OSBPL6: variants seen among roughly 807,000 people sequenced by gnomAD.
The protein encoded by OSBPL6 is oxysterol binding protein like 6, also known as oxysterol-binding protein-related protein 6.
OSBPL6 carries 49 observed loss-of-function variants against 125.8 expected under a neutral mutation model. The ratio of observed to expected loss-of-function variants is 0.39; its 90% CI spans 0.31 to 0.49. The LOEUF (loss-of-function observed/expected upper bound fraction) is 0.49. Among genes scored for constraint, OSBPL6 ranks in the 20% least tolerant of loss-of-function variants. The pLI, the probability that OSBPL6 is intolerant of heterozygous loss-of-function variation, is 0.88. For synonymous variants in OSBPL6, 394 were observed against 391.8 expected, an observed-to-expected ratio of 1.01 and a Z score of -0.07; for missense variants, 986 against 1,135.4, an observed-to-expected ratio of 0.87 and a Z score of 1.89.
At chr2:178,215,984 C>T (rs1169372350) in intron 1 of OSBPL6, among the ~76,000 whole-genome samples, 2 of 152,072 alleles carry the variant, frequency 1.3e-5, no homozygotes, top group African/African-American at 4.8e-5. Flanking sequence ...GGTGAAATCA[C>T]CTAAGGAGGG....
At chr2:178,225,711 A>G (rs535229642) in intron 1 of OSBPL6, among the ~76,000 whole-genome samples, 3 of 152,320 alleles carry the variant, frequency 2.0e-5, no homozygotes, top group African/African-American at 7.2e-5. Flanking sequence ...GCAAGTCACA[A>G]TCTTACACAG....
chr2:178,212,834 GTCTT>G lies in OSBPL6; in HGVS notation c.-351+18166_-351+18169del, dbSNP rs893790460. Among the ~76,000 whole-genome samples the G allele has an allele frequency of 8.7e-5, 13 of 150,196 alleles. No individual in the cohort carries two copies. In the South Asian group the frequency reaches 1.9e-3, roughly 22 times the overall value. On this transcript the variant is annotated intron_variant, in intron 1 of 24. Coordinates refer to ENST00000190611, the MANE Select transcript of OSBPL6 (RefSeq NM_032523.4). ...ATAATTTTTTTTTTTTTTGAGATGA[GTCTT>G]TCTTTGTCACCCAGGCTAGAGTGCA...
At chr2:178,262,335 G>A (rs75126551) in intron 1 of OSBPL6, among the ~76,000 whole-genome samples, 1,990 of 152,228 alleles carry the variant, frequency 0.013, 31 homozygotes, top group African/African-American at 0.045. Context: ...ACAGATTAAT[G>A]TGTGAAATAA....
chr2:178,381,347 A>G (rs1694458371), intron 15 of OSBPL6, among the ~76,000 whole-genome samples: 1 of 151,946 alleles, frequency 6.6e-6, no homozygotes, highest in Non-Finnish European at 1.5e-5. Flanking sequence ...GGCCAACTGA[A>G]TCTAAGCCGT....
At chr2:178,383,668 C>T (rs1392139688) in intron 17 of OSBPL6, among the ~76,000 whole-genome samples, 5 of 152,156 alleles carry the variant, frequency 3.3e-5, no homozygotes, top group Non-Finnish European at 1.5e-5. Context: ...CTGTGGGAAA[C>T]ATGCCATGCC....
intron 1 of OSBPL6, among the ~76,000 whole-genome samples, chr2:178,207,705 A>T (rs1217552194): frequency 6.6e-6 from 1 of 152,002 alleles, no homozygotes; most frequent in Non-Finnish European, 1.5e-5. Flanking sequence ...GCTGACCTGG[A>T]GTTAGAGCTG....
At chr2:178,284,244 A>G (rs538362775) in intron 1 of OSBPL6, among the ~76,000 whole-genome samples, 1 of 152,156 alleles carries the variant, frequency 6.6e-6, no homozygotes, top group South Asian at 2.1e-4. Context: ...AAACCACTTC[A>G]TACTTACTAT....
At chr2:178,247,565 T>C (rs2091539279) in intron 1 of OSBPL6, among the ~76,000 whole-genome samples, 1 of 152,170 alleles carries the variant, frequency 6.6e-6, no homozygotes, top group Non-Finnish European at 1.5e-5. Flanking sequence ...TCTTTCACTG[T>C]GCAGTGTTTT....
chr2:178,329,501 A>G (rs1487714807), intron 5 of OSBPL6, among the ~76,000 whole-genome samples: 3 of 148,098 alleles, frequency 2.0e-5, no homozygotes, highest in South Asian at 2.1e-4. Context: ...TGCAACCTCC[A>G]CCTCTCGGGT....
At chr2:178,252,984 A>G (rs1390727862) in intron 1 of OSBPL6, among the ~76,000 whole-genome samples, 1 of 152,072 alleles carries the variant, frequency 6.6e-6, no homozygotes, top group Non-Finnish European at 1.5e-5. Context: ...GACTAGACAG[A>G]ATCTATAGAA....
intron 1 of OSBPL6, among the ~76,000 whole-genome samples, chr2:178,201,278 T>C (rs1559109378): frequency 6.6e-6 from 1 of 152,210 alleles, no homozygotes; most frequent in Non-Finnish European, 1.5e-5. Flanking sequence ...TAGAAGCAAC[T>C]CAAAGTGACA....
At chr2:178,356,530 A>G (rs1245166614) in intron 12 of OSBPL6, among the ~76,000 whole-genome samples, 1 of 152,216 alleles carries the variant, frequency 6.6e-6, no homozygotes, top group Non-Finnish European at 1.5e-5. Flanking sequence ...CCAACTTACA[A>G]GGGATGTGAA....
intron 5 of OSBPL6, among the ~76,000 whole-genome samples, chr2:178,330,935 CT>C (rs1425994886): frequency 1.3e-5 from 2 of 152,184 alleles, no homozygotes; most frequent in African/African-American, 2.4e-5. Context: ...AAAAACCCCT[CT>C]CTTTTTTTAC....
intron 15 of OSBPL6, among the ~76,000 whole-genome samples, chr2:178,375,481 G>A (rs890740085): frequency 6.6e-6 from 1 of 152,146 alleles, no homozygotes; most frequent in Non-Finnish European, 1.5e-5. Flanking sequence ...GGAGGGCAGT[G>A]GCGCAATCTT....
At chr2:178,371,629 T>A (rs1422372252) in intron 13 of OSBPL6, among the ~76,000 whole-genome samples, 1 of 152,222 alleles carries the variant, frequency 6.6e-6, no homozygotes, top group Non-Finnish European at 1.5e-5. Flanking sequence ...AGATGTTTTC[T>A]TTAAACACAC....
chr2:178,217,508 A>G (rs1206559101), intron 1 of OSBPL6, among the ~76,000 whole-genome samples: 1 of 152,218 alleles, frequency 6.6e-6, no homozygotes, highest in African/African-American at 2.4e-5. Flanking sequence ...GTGGAGGTTT[A>G]ATAGGCAGAA....
chr2:178,281,279 C>T (rs1282083969), intron 1 of OSBPL6, among the ~76,000 whole-genome samples: 1 of 152,134 alleles, frequency 6.6e-6, no homozygotes, highest in Non-Finnish European at 1.5e-5. Context: ...TCCCAAAGTG[C>T]TGGGATTACA....
rs2092276454 is a variant in OSBPL6, at chr2:178,267,628, A to G, written c.-350-17299A>G. On this transcript the variant is annotated intron_variant, in intron 1 of 24. Coordinates refer to ENST00000190611, the MANE Select transcript of OSBPL6 (RefSeq NM_032523.4). ...AACCCAGAGAAAAAGAACATTGGCC[A>G]GAAAACTTGAGGCCAAGAAAAGTAC... Among the ~76,000 whole-genome samples, 3 of 152,208 alleles carry G rather than the reference A, an allele frequency of 2.0e-5. No homozygotes were observed. The South Asian group carries it at 6.2e-4, about 31-fold the overall frequency.
At chr2:178,343,747 A>G (rs1315367648) in intron 11 of OSBPL6, among the ~76,000 whole-genome samples, 3 of 152,158 alleles carry the variant, frequency 2.0e-5, no homozygotes, top group Non-Finnish European at 4.4e-5. Context: ...AGTGAGCTGT[A>G]TAATAGGAGA....
Sources: allele counts gnomAD v4.1 joint callset (sites outside exome capture counted in the v4.1 genomes callset), GRCh38; gene constraint gnomAD v4.1.1; transcripts MANE v1.5; gene names NCBI Gene and HGNC (gene_info 2026-07-23, HGNC 2026-07-21).